INTU: variants seen among roughly 807,000 people sequenced by gnomAD.
INTU encodes protein inturned.
A neutral mutation model predicts 100.5 loss-of-function variants in INTU; 68 were observed. That is an observed-to-expected ratio of 0.68 (90% CI 0.56 to 0.83). The LOEUF is 0.83. Ranked by LOEUF, INTU falls within the 40% of genes least tolerant of loss-of-function variation. INTU has a pLI of 0.00. For missense variants in INTU, 1,071 were observed against 1,114.7 expected, an observed-to-expected ratio of 0.96 and a Z score of 0.56; for synonymous variants, 357 against 395.7, an observed-to-expected ratio of 0.90 and a Z score of 1.16.
intron 3 of INTU, among the ~76,000 whole-genome samples, chr4:127,662,484 T>C (rs1409422354): frequency 1.3e-5 from 2 of 152,200 alleles, no homozygotes; most frequent in East Asian, 3.8e-4. Context: ...TATGTGTGGC[T>C]ATCCAATTTT....
chr4:127,647,068 AT>A (rs1221561186), intron 2 of INTU, among the ~76,000 whole-genome samples: 1 of 151,986 alleles, frequency 6.6e-6, no homozygotes, highest in African/African-American at 2.4e-5. Context: ...AGCCTGATTT[AT>A]TTTTTTCCTA....
At chr4:127,657,989 C>G (rs1347687493) in intron 3 of INTU, among the ~76,000 whole-genome samples, 1 of 152,068 alleles carries the variant, frequency 6.6e-6, no homozygotes, top group African/African-American at 2.4e-5. Flanking sequence ...ACTGGTGGGA[C>G]AGAGGACCCA....
In INTU at chr4:127,710,927, C is replaced by T; in HGVS notation, c.2384C>T (p.Pro795Leu). 6.7e-7 allele frequency: 1 copy of T among 1,487,810 alleles called. No individual in the cohort carries two copies. The highest frequency in any genetic ancestry group is 2.4e-5 in the East Asian group (1 of 42,348). The allele number at this position is 1,487,810 out of a possible 1,614,324, so 92.2% of individuals were successfully genotyped here. A position where few individuals can be genotyped will look rare whatever the true frequency, so the allele number is the denominator to read the frequency against. ...IYNTVKLTSG[P>L]ENTLFHYVAL... Reference sequence around the variant, plus strand: ...TTCTTTTTAAGACTGACATCTGGTCCTGAGAACACACTTTTCCACTACGTT... The same window carrying T: ...TTCTTTTTAAGACTGACATCTGGTCTTGAGAACACACTTTTCCACTACGTT... The change falls in exon 14 of 16, where the codon CCT becomes CTT. Residue 795 changes from proline to leucine, a missense_variant. Pro to Leu is a moderately conservative substitution (Grantham distance 98). Transcript: ENST00000335251.
intron 4 of INTU, among the ~76,000 whole-genome samples, chr4:127,664,186 C>T (rs181009133): frequency 2.0e-3 from 307 of 152,088 alleles, no homozygotes; most frequent in African/African-American, 6.0e-3. Context: ...TTACTGAATA[C>T]GTACTTTTTG....
chr4:127,703,853 G>A (rs1000940669), intron 9 of INTU, among the ~76,000 whole-genome samples: 1 of 152,010 alleles, frequency 6.6e-6, no homozygotes, highest in Non-Finnish European at 1.5e-5. Context: ...TCAGTTGCTT[G>A]CAAATAGGTT....
At chr4:127,635,344 T>G (rs1163732014) in intron 1 of INTU, among the ~76,000 whole-genome samples, 1 of 151,570 alleles carries the variant, frequency 6.6e-6, no homozygotes, top group African/African-American at 2.4e-5. Flanking sequence ...GTTGGTTGGG[T>G]TGAGGGAGCC....
intron 13 of INTU, 38 bp from the exon 14 acceptor site, chr4:127,710,875 T>C: frequency 1.5e-6 from 2 of 1,334,680 alleles, no homozygotes. Context: ...TTTACTAAAA[T>C]TTCTTTTTTC....
chr4:127,634,825 C>G (rs1334696798), intron 1 of INTU, among the ~76,000 whole-genome samples: 1 of 152,168 alleles, frequency 6.6e-6, no homozygotes, highest in African/African-American at 2.4e-5. Context: ...GCTGAACTTA[C>G]CAGGAAGGCT....
chr4:127,636,208 G>A (rs908352473), intron 1 of INTU, among the ~76,000 whole-genome samples: 72 of 152,096 alleles, frequency 4.7e-4, no homozygotes, highest in African/African-American at 1.5e-3. Flanking sequence ...TTTCAAGGTT[G>A]CAGTGAGCTG....
chr4:127,647,682 G>GT (rs995343521), intron 2 of INTU, among the ~76,000 whole-genome samples: 9 of 151,764 alleles, frequency 5.9e-5, no homozygotes, highest in Non-Finnish European at 1.0e-4. Context: ...TAAAATATGA[G>GT]TTTTTTTTCT....
chr4:127,716,297 G>GA, intron 15 of INTU, 28 bp from the exon 16 acceptor site: 1 of 1,078,966 alleles, frequency 9.3e-7, no homozygotes, highest in South Asian at 1.7e-5. Flanking sequence ...TTTAATTTCT[G>GA]AAATGAGTGT....
rs1251804204 is a variant in INTU at position 127,720,327 on chromosome 4, G to A, written c.*3891G>A. 3 of 152,144 alleles carry A rather than the reference G, an allele frequency of 2.0e-5. No individual in the cohort carries two copies. Among genetic ancestry groups the A allele is most frequent in the African/African-American group, 4.8e-5 (2 of 41,442 alleles). 9.4% of individuals were successfully genotyped at this position (152,144 alleles called of 1,614,324 possible). A position where few individuals can be genotyped will look rare whatever the true frequency, so the allele number is the denominator to read the frequency against. On this transcript the variant is annotated 3_prime_UTR_variant, in exon 16 of 16. Transcript: ENST00000335251. ...CTTACTCTTGAGTTCCAATTTGATT[G>A]CGCTGTGATCTGAGAGACTGTTTGT...
At chr4:127,675,347 G>T (rs73847041) in intron 6 of INTU, among the ~76,000 whole-genome samples, 1 of 152,130 alleles carries the variant, frequency 6.6e-6, no homozygotes, top group Non-Finnish European at 1.5e-5. Context: ...GAAAGAAAAA[G>T]ATGTACCAGA....
At chr4:127,646,824 T>C (rs78815513) in intron 2 of INTU, among the ~76,000 whole-genome samples, 280 of 151,624 alleles carry the variant, frequency 1.8e-3, no homozygotes, top group African/African-American at 6.4e-3. Context: ...AGATTGAAAC[T>C]CAAAAAAAAA....
At chr4:127,670,410 T>C (rs1728871022) in intron 5 of INTU, among the ~76,000 whole-genome samples, 1 of 152,086 alleles carries the variant, frequency 6.6e-6, no homozygotes, top group South Asian at 2.1e-4. Flanking sequence ...TTAAAAGTCA[T>C]GTTTAACTAT....
rs895201859 is a variant in INTU, at chr4:127,721,477, T to C, written c.*5041T>C. ...GGGTTGATCTCATGGAGTATTGTAT[T>C]GGGGTTCTCTGGATTTCCTGAATTT... On this transcript the variant is annotated 3_prime_UTR_variant, in exon 16 of 16. Transcript: ENST00000335251. 5 of 152,284 alleles carry C rather than the reference T, an allele frequency of 3.3e-5. No homozygotes were observed. Among genetic ancestry groups the C allele is most frequent in the African/African-American group, 1.2e-4 (5 of 41,542 alleles). The allele number at this position is 152,284 out of a possible 1,614,324, so 9.4% of individuals were successfully genotyped here.
intron 14 of INTU, among the ~76,000 whole-genome samples, chr4:127,712,570 TTAGTATGCTGAGAAGAATTAGAAAA>T (rs1348454741): frequency 1.3e-5 from 2 of 152,144 alleles, no homozygotes; most frequent in Non-Finnish European, 2.9e-5. Flanking sequence ...TAATTAGAAA[TTAGTATGCTGAGAAGAATTAGAAAA>T]TAGTATGCTG....
At chr4:127,676,115 G>T in intron 6 of INTU, 1 of 167,194 alleles carries the variant, frequency 6.0e-6, no homozygotes, top group South Asian at 1.4e-4. Context: ...TAAATGTGGG[G>T]TTCAAATCTT....
At chr4:127,701,250 G>A (rs1291646716) in intron 9 of INTU, among the ~76,000 whole-genome samples, 1 of 152,160 alleles carries the variant, frequency 6.6e-6, no homozygotes, top group East Asian at 1.9e-4. Flanking sequence ...AATACTGCAG[G>A]ACACTTTCTT....
Sources: allele counts gnomAD v4.1 joint callset (sites outside exome capture counted in the v4.1 genomes callset), GRCh38; gene constraint gnomAD v4.1.1; transcripts MANE v1.5; gene names NCBI Gene and HGNC (gene_info 2026-07-23, HGNC 2026-07-21).